Variants in TOX observed in about 807,000 individuals in gnomAD.
The protein encoded by TOX is thymocyte selection associated high mobility group box.
A neutral mutation model predicts 53.7 loss-of-function variants in TOX; 11 were observed. That is an observed-to-expected ratio of 0.20 (90% CI 0.13 to 0.34). TOX has a LOEUF of 0.34. TOX is among the 10% of genes least tolerant of loss of function. The probability of loss-of-function intolerance (pLI) is 1.00; values close to 1 mark genes in which losing one functional copy is unlikely to be tolerated. For synonymous variants in TOX, 225 were observed against 245.3 expected, an observed-to-expected ratio of 0.92 and a Z score of 0.77; for missense variants, 570 against 664.6, an observed-to-expected ratio of 0.86 and a Z score of 1.56.
intron 1 of TOX, among the ~76,000 whole-genome samples, chr8:59,003,897 T>A (rs1319967678): frequency 2.0e-5 from 3 of 152,210 alleles, no homozygotes; most frequent in Non-Finnish European, 4.4e-5. Context: ...TTTCACAAAA[T>A]AATGATCAAC....
chr8:59,113,539 G>T (rs767516614), intron 1 of TOX, among the ~76,000 whole-genome samples: 1 of 152,128 alleles, frequency 6.6e-6, no homozygotes, highest in Admixed American at 6.5e-5. Flanking sequence ...GGATATGTTC[G>T]CATGATTATG....
At chr8:58,911,967 G>A (rs946978251) in intron 3 of TOX, among the ~76,000 whole-genome samples, 1 of 152,226 alleles carries the variant, frequency 6.6e-6, no homozygotes, top group African/African-American at 2.4e-5. Context: ...CTCCCAAAGT[G>A]CTGGGATTAC....
intron 1 of TOX, among the ~76,000 whole-genome samples, chr8:59,047,617 C>G (rs779193070): frequency 3.3e-5 from 5 of 151,192 alleles, no homozygotes; most frequent in Non-Finnish European, 7.4e-5. Flanking sequence ...GGCTGGAGTT[C>G]AGTAGCTATT....
At chr8:58,852,979 T>A (rs984911024) in intron 3 of TOX, among the ~76,000 whole-genome samples, 4 of 152,196 alleles carry the variant, frequency 2.6e-5, no homozygotes, top group African/African-American at 4.8e-5. Context: ...CATAGGTTCT[T>A]GTTTTTGTTT....
chr8:58,892,225 A>G (rs1811570639), intron 3 of TOX, among the ~76,000 whole-genome samples: 1 of 152,164 alleles, frequency 6.6e-6, no homozygotes, highest in Non-Finnish European at 1.5e-5. Context: ...ATTTTATGGC[A>G]TGCCTTAATG....
chr8:58,938,130 TTAGGCAG>T (rs1812377741), intron 3 of TOX, among the ~76,000 whole-genome samples: 1 of 152,166 alleles, frequency 6.6e-6, no homozygotes, highest in Admixed American at 6.5e-5. Flanking sequence ...CCATTGTGTA[TTAGGCAG>T]TAGGCTCTGG....
At chr8:58,896,383 TA>T (rs1333501411) in intron 3 of TOX, among the ~76,000 whole-genome samples, 1 of 151,842 alleles carries the variant, frequency 6.6e-6, no homozygotes, top group East Asian at 1.9e-4. Context: ...AGCACAACAT[TA>T]AAAAAAATCC....
At chr8:59,006,767 T>C (rs949987891) in intron 1 of TOX, among the ~76,000 whole-genome samples, 1 of 152,198 alleles carries the variant, frequency 6.6e-6, no homozygotes, top group Non-Finnish European at 1.5e-5. Context: ...AAAGAGCTAA[T>C]TGTAACCATT....
intron 1 of TOX, among the ~76,000 whole-genome samples, chr8:59,066,633 T>G (rs1345216670): frequency 6.6e-6 from 1 of 152,212 alleles, no homozygotes; most frequent in African/African-American, 2.4e-5. Flanking sequence ...ATTCTTTGCA[T>G]TCAAAACGTC....
At chr8:58,842,844 A>C (rs1430443661) in intron 4 of TOX, among the ~76,000 whole-genome samples, 1 of 152,178 alleles carries the variant, frequency 6.6e-6, no homozygotes, top group African/African-American at 2.4e-5. Flanking sequence ...CAGCCAATCC[A>C]TTTTGTTAGT....
chr8:59,069,622 C>T (rs1206016649), intron 1 of TOX, among the ~76,000 whole-genome samples: 1 of 152,106 alleles, frequency 6.6e-6, no homozygotes, highest in East Asian at 1.9e-4. Context: ...TGGCTCTTAA[C>T]CACACCTTTG....
intron 3 of TOX, among the ~76,000 whole-genome samples, chr8:58,862,019 C>T (rs1811019869): frequency 6.6e-6 from 1 of 151,986 alleles, no homozygotes; most frequent in Admixed American, 6.6e-5. Context: ...CTTGTATGCC[C>T]CAACTTATTG....
At chr8:59,092,774 G>A (rs754902572) in intron 1 of TOX, among the ~76,000 whole-genome samples, 16 of 152,106 alleles carry the variant, frequency 1.1e-4, no homozygotes, top group Non-Finnish European at 1.6e-4. Context: ...TTTTTGTGCT[G>A]TGTGTTGTTC....
chr8:59,076,495 C>T (rs1042424675), intron 1 of TOX, among the ~76,000 whole-genome samples: 1 of 152,106 alleles, frequency 6.6e-6, no homozygotes, highest in Non-Finnish European at 1.5e-5. Flanking sequence ...TAAAAGAATT[C>T]ATAATAATGC....
At chr8:59,079,795 A>G (rs1249321386) in intron 1 of TOX, among the ~76,000 whole-genome samples, 1 of 152,120 alleles carries the variant, frequency 6.6e-6, no homozygotes, top group African/African-American at 2.4e-5. Context: ...AGACCCAAGG[A>G]TGGTAGATCC....
intron 1 of TOX, among the ~76,000 whole-genome samples, chr8:58,972,833 C>T (rs951726600): frequency 6.6e-6 from 1 of 152,106 alleles, no homozygotes; most frequent in Non-Finnish European, 1.5e-5. Context: ...AATCTTTTTA[C>T]CATTAAGTAA....
rs1257237913 is a variant in TOX at position 58,832,177 on chromosome 8, TATATATA to T, written c.925-5282_925-5276del. On this transcript the variant is annotated intron_variant, in intron 5 of 8. Coordinates refer to ENST00000361421, the MANE Select transcript of TOX (RefSeq NM_014729.3). ...TATAATATATGTAATATATGTAATA[TATATATA>T]ATATATGTAATATGTATATAATATA... Among the ~76,000 whole-genome samples the T allele has an allele frequency of 2.7e-5, 4 of 146,120 alleles. No individual in the cohort carries two copies. The South Asian group carries it at 6.3e-4, about 23-fold the overall frequency.
chr8:58,907,752 T>C (rs1022988609), intron 3 of TOX, among the ~76,000 whole-genome samples: 2 of 152,198 alleles, frequency 1.3e-5, no homozygotes, highest in African/African-American at 4.8e-5. Context: ...ATTAGACTAT[T>C]ATTTCAAGTT....
chr8:59,039,014 C>G (rs1054764538), intron 1 of TOX, among the ~76,000 whole-genome samples: 2 of 152,188 alleles, frequency 1.3e-5, no homozygotes, highest in Non-Finnish European at 2.9e-5. Flanking sequence ...CTTAGATTCT[C>G]CAGGATTTTG....
Sources: allele counts gnomAD v4.1 joint callset (sites outside exome capture counted in the v4.1 genomes callset), GRCh38; gene constraint gnomAD v4.1.1; transcripts MANE v1.5; gene names NCBI Gene and HGNC (gene_info 2026-07-23, HGNC 2026-07-21).